BRSK1: variants seen among roughly 807,000 people sequenced by gnomAD.
BRSK1 encodes serine/threonine-protein kinase BRSK1.
In BRSK1, 17 loss-of-function variants were observed where a neutral mutation model predicts 86.2. The observed-to-expected ratio is 0.20, with a 90% CI of 0.14 to 0.30. The LOEUF (loss-of-function observed/expected upper bound fraction) is 0.30. Ranked by LOEUF, BRSK1 falls within the 10% of genes least tolerant of loss-of-function variation. The pLI, the probability that BRSK1 is intolerant of heterozygous loss-of-function variation, is 1.00. For missense variants in BRSK1, 719 were observed against 1,071.9 expected, an observed-to-expected ratio of 0.67 and a Z score of 4.60; for synonymous variants, 464 against 440.1, an observed-to-expected ratio of 1.05 and a Z score of -0.68.
At position 55,303,535 on chromosome 19, in the gene BRSK1, G is replaced by T; in HGVS notation, c.1126+127G>T. The T allele has an allele frequency of 6.8e-7, 1 of 1,478,290 alleles. No individual in the cohort carries two copies. 91.6% of individuals were successfully genotyped at this position (1,478,290 alleles called of 1,614,324 possible). On this transcript the variant is annotated intron_variant, in intron 11 of 18. Transcript: ENST00000309383. This position sits in a 1 kb window ranked among gnomAD's most constrained non-coding sequence, Gnocchi z 5.1. ...CTGAGCTTCCAGCTTTAGACTGCTTGACTTGCTCTTTGACATTTATCAAAT... is the reference window on the plus strand; with the variant it reads ...CTGAGCTTCCAGCTTTAGACTGCTTTACTTGCTCTTTGACATTTATCAAAT...
intron 17 of BRSK1, among the ~76,000 whole-genome samples, chr19:55,307,803 A>G (rs539434981): frequency 6.9e-4 from 102 of 148,364 alleles, no homozygotes; most frequent in African/African-American, 2.5e-3. Context: ...AAAAAAAAAA[A>G]AAAAGCCCAG....
At chr19:55,286,053 TGCTGGG>T in intron 1 of BRSK1, among the ~76,000 whole-genome samples, 1 of 53,956 alleles carries the variant, frequency 1.9e-5, no homozygotes, top group South Asian at 7.1e-4. Flanking sequence ...GGGTCTGGAG[TGCTGGG>T]TCTGAGGGAG....
rs1018344428 is a variant in BRSK1 at position 55,294,796 on chromosome 19, C to T, written c.678+399C>T. ...GGATTCCAGGTGTGAGCCACTGAAC[C>T]CGGCCTATTTATTTATGTATTTTGA... On this transcript the variant is annotated intron_variant, in intron 7 of 18. Coordinates refer to ENST00000309383, the MANE Select transcript of BRSK1 (RefSeq NM_032430.2). The surrounding 1 kb of genome is among the most constrained non-coding windows in gnomAD (Gnocchi z 4.9). Among the ~76,000 whole-genome samples the T allele has an allele frequency of 2.6e-5, 4 of 151,218 alleles. No homozygotes were observed. The highest frequency in any genetic ancestry group is 9.7e-5 in the African/African-American group (4 of 41,046).
Position 55,306,393 on chromosome 19 carries a change from C to G in BRSK1, c.2032C>G (p.Arg678Gly), listed in dbSNP as rs942967578. The G allele has an allele frequency of 1.2e-6, 2 of 1,613,976 alleles. No individual in the cohort carries two copies. Among genetic ancestry groups the G allele is most frequent in the Non-Finnish European group, 1.7e-6 (2 of 1,180,032 alleles). Residue 678 changes from arginine to glycine, a missense_variant, in exon 17 of 19, where the codon CGA becomes GGA. Transcript: ENST00000309383. The surrounding 1 kb of genome is among the most constrained non-coding windows in gnomAD (Gnocchi z 4.7). ...SSSEGPEPSPRRDGSGGGGIY... is the reference protein window; with the variant it reads ...SSSEGPEPSPGRDGSGGGGIY... ...CTCTGAGGGTCCAGAGCCCTCCCCG[C>G]GACGGGACGGCAGCGGAGGTGGTGG...
At chr19:55,288,417 T>C (rs1222386358) in intron 3 of BRSK1, among the ~76,000 whole-genome samples, 2 of 141,688 alleles carry the variant, frequency 1.4e-5, no homozygotes, top group African/African-American at 5.3e-5. Context: ...GAGGCTGCAG[T>C]GAGCCAAGAT....
intron 14 of BRSK1, 88 bp downstream of exon 14, chr19:55,305,008 G>C (rs1168851294): frequency 2.6e-6 from 4 of 1,550,596 alleles, no homozygotes; most frequent in Non-Finnish European, 3.5e-6. Flanking sequence ...GGCGTGTCTA[G>C]AGAGGAAGGG....
At chr19:55,295,710 G>A (rs1043259879) in intron 7 of BRSK1, among the ~76,000 whole-genome samples, 2 of 152,200 alleles carry the variant, frequency 1.3e-5, no homozygotes, top group East Asian at 3.9e-4. Flanking sequence ...GCTCACACCT[G>A]TAATCCCAGC....
intron 8 of BRSK1, 172 bp from the exon 9 acceptor site, chr19:55,301,948 ACGGAGACCGCGCGTGCG>A (rs765436903): frequency 9.5e-6 from 8 of 843,628 alleles, no homozygotes; most frequent in African/African-American, 3.3e-5. Flanking sequence ...TCCGGGGTAC[ACGGAGACCGCGCGTGCG>A]CGGGGCGATG....
chr19:55,286,756 T>C (rs993567976), intron 1 of BRSK1, among the ~76,000 whole-genome samples: 1 of 143,732 alleles, frequency 7.0e-6, no homozygotes, highest in South Asian at 2.3e-4. Context: ...GGCCAGGGGG[T>C]GGCTGGCAGA....
chr19:55,293,879 A>G, intron 4 of BRSK1, 138 bp from the exon 5 acceptor site: 1 of 618,808 alleles, frequency 1.6e-6, no homozygotes, highest in Non-Finnish European at 2.7e-6. Context: ...GACCAAAATT[A>G]ATGAATGATA....
rs747185105 is a variant in BRSK1, at chr19:55,312,108, C to G, written c.*40C>G. On this transcript the variant is annotated 3_prime_UTR_variant, in exon 19 of 19. Coordinates refer to ENST00000309383, the MANE Select transcript of BRSK1 (RefSeq NM_032430.2). The stretch of plus-strand genomic sequence containing the variant: ...GGAGGGAGGGGACCCCCCTCCACCC[C>G]CCTTCCGTGCCCCCCAACTGTGAAT... 8.0e-6 allele frequency: 7 copies of G among 878,802 alleles called. No homozygotes were observed. Among genetic ancestry groups the G allele is most frequent in the Non-Finnish European group, 1.0e-5 (6 of 593,074 alleles). 54.4% of individuals were successfully genotyped at this position (878,802 alleles called of 1,614,324 possible).
chr19:55,308,174 C>G (rs940513467), intron 17 of BRSK1, among the ~76,000 whole-genome samples: 2 of 151,680 alleles, frequency 1.3e-5, no homozygotes, highest in African/African-American at 4.8e-5. Context: ...GCATGCGTCA[C>G]CATGCCCAGC....
intron 4 of BRSK1, among the ~76,000 whole-genome samples, chr19:55,293,234 G>T (rs1458359592): frequency 6.6e-6 from 1 of 152,050 alleles, no homozygotes; most frequent in Non-Finnish European, 1.5e-5. Flanking sequence ...GGTGGCTCAT[G>T]CCTGTAATCC....
Position 55,284,119 on chromosome 19 carries a change from C to T in BRSK1, c.-324C>T. 15 of 1,199,020 alleles carry T rather than the reference C, an allele frequency of 1.3e-5. No homozygotes were observed. Among genetic ancestry groups the T allele is most frequent in the African/African-American group, 1.6e-5 (1 of 63,400 alleles). The allele number at this position is 1,199,020 out of a possible 1,614,324, so 74.3% of individuals were successfully genotyped here. A position where few individuals can be genotyped will look rare whatever the true frequency, so the allele number is the denominator to read the frequency against. ...GGGGGACCTCGGCCTGCAGCATCCGCCGGCCCGCACCTCAGACCCCCCCGG... is the reference window on the plus strand; with the variant it reads ...GGGGGACCTCGGCCTGCAGCATCCGTCGGCCCGCACCTCAGACCCCCCCGG... On this transcript the variant is annotated 5_prime_UTR_variant, in exon 1 of 19. Coordinates refer to ENST00000309383, the MANE Select transcript of BRSK1 (RefSeq NM_032430.2).
rs1298479230 is a variant in BRSK1, at chr19:55,310,846, G to A, written c.2180-1065G>A. 6.6e-6 allele frequency among the ~76,000 whole-genome samples: 1 copy of A among 152,178 alleles called. No homozygotes were observed. Among genetic ancestry groups the A allele is most frequent in the African/African-American group, 2.4e-5 (1 of 41,446 alleles). On this transcript the variant is annotated intron_variant, in intron 18 of 18. Coordinates refer to ENST00000309383, the MANE Select transcript of BRSK1 (RefSeq NM_032430.2). This position sits in a 1 kb window ranked among gnomAD's most constrained non-coding sequence, Gnocchi z 5.0. ...GGGGTCTCAAAACGGGCACACCCTG[G>A]AAGATGTAGGACTAACAGGCACCCT...
chr19:55,301,998 G>C (rs1010483867), intron 8 of BRSK1, 139 bp from the exon 9 acceptor site: 1 of 1,038,182 alleles, frequency 9.6e-7, no homozygotes, highest in African/African-American at 1.6e-5. Flanking sequence ...ACTAGAGGGC[G>C]ATGTAATATG....
rs2088281765 is a variant in BRSK1 at position 55,284,676 on chromosome 19, C to T, written c.136+98C>T. The T allele has an allele frequency of 4.7e-6, 5 of 1,075,000 alleles. No homozygotes were observed. The South Asian group carries it at 2.1e-4, about 45-fold the overall frequency. 66.6% of individuals were successfully genotyped at this position (1,075,000 alleles called of 1,614,324 possible). A position where few individuals can be genotyped will look rare whatever the true frequency, so the allele number is the denominator to read the frequency against. ...ATTCAAATGGCAGGGGCTGGCTGCC[C>T]AGACCCCTGGGCCCCTCATAGAGAA... On this transcript the variant is annotated intron_variant, in intron 1 of 18. Coordinates refer to ENST00000309383, the MANE Select transcript of BRSK1 (RefSeq NM_032430.2).
chr19:55,299,735 A>G (rs564550064), intron 7 of BRSK1, among the ~76,000 whole-genome samples: 49 of 152,034 alleles, frequency 3.2e-4, no homozygotes, highest in Admixed American at 5.2e-4. Flanking sequence ...CAGGATCATT[A>G]TGTCCGTTTC....
Position 55,304,224 on chromosome 19 carries a change from C to A in BRSK1, c.1347+114C>A. 8.7e-7 allele frequency: 1 copy of A among 1,150,872 alleles called. No individual in the cohort carries two copies. The allele number at this position is 1,150,872 out of a possible 1,614,324, so 71.3% of individuals were successfully genotyped here. On this transcript the variant is annotated intron_variant, in intron 13 of 18. Coordinates refer to ENST00000309383, the MANE Select transcript of BRSK1 (RefSeq NM_032430.2). This position sits in a 1 kb window ranked among gnomAD's most constrained non-coding sequence, Gnocchi z 5.2. ...GCAGTCTTGAGACTTGCTTCTTTGTCCCTGGAGGGCCAAAGACCCAAGGCC... is the reference window on the plus strand; with the variant it reads ...GCAGTCTTGAGACTTGCTTCTTTGTACCTGGAGGGCCAAAGACCCAAGGCC...
Sources: allele counts gnomAD v4.1 joint callset (sites outside exome capture counted in the v4.1 genomes callset), GRCh38; gene constraint gnomAD v4.1.1; non-coding constraint Gnocchi (gnomAD v3.1); transcripts MANE v1.5; gene names NCBI Gene and HGNC (gene_info 2026-07-23, HGNC 2026-07-21).